Variants in COL6A5 observed in about 807,000 individuals in gnomAD.
COL6A5 encodes collagen type VI alpha 5 chain, also known as collagen alpha-5(VI) chain.
A neutral mutation model predicts 65.6 loss-of-function variants in COL6A5; 48 were observed. That is an observed-to-expected ratio of 0.73 (90% CI 0.58 to 0.93). COL6A5 has a LOEUF of 0.93. COL6A5 is among the 40% of genes least tolerant of loss of function. The pLI is 0.00. For synonymous variants in COL6A5, 291 were observed against 322.8 expected (o/e 0.90, Z 1.05); for missense variants, 914 against 928.3 (o/e 0.98, Z 0.20).
At chr3:130,388,695 A>C in exon 6 of COL6A5, 1 of 1,551,344 alleles carries the variant, frequency 6.4e-7, no homozygotes, top group Middle Eastern at 1.7e-4. Flanking sequence ...CTAAAATTCA[A>C]ATTGGTGCAG....
intron 9 of COL6A5, 39 bp downstream of exon 9, chr3:130,397,962 C>T (rs1936667914): frequency 6.5e-7 from 1 of 1,543,848 alleles, no homozygotes; most frequent in Non-Finnish European, 8.8e-7. Context: ...TCCACATTCT[C>T]CCATTTGTTC....
chr3:130,366,440 T>A (rs761713211), intron 1 of COL6A5, among the ~76,000 whole-genome samples: 11 of 152,192 alleles, frequency 7.2e-5, no homozygotes, highest in Non-Finnish European at 1.2e-4. Context: ...ATGCCTTTCG[T>A]TGAGCCCATG....
chr3:130,354,732 G>C (rs1228106882), intron 1 of COL6A5, among the ~76,000 whole-genome samples: 1 of 152,202 alleles, frequency 6.6e-6, no homozygotes, highest in African/African-American at 2.4e-5. Flanking sequence ...CTGAGACATT[G>C]ATCTCTTTAG....
At chr3:130,475,172 GT>G (rs1392344553) in intron 7 of COL6A5, among the ~76,000 whole-genome samples, 1 of 151,792 alleles carries the variant, frequency 6.6e-6, no homozygotes, top group Non-Finnish European at 1.5e-5. Context: ...TCTAACATTT[GT>G]TTCACTAGAA....
chr3:130,483,839 TC>T (rs1710312744), intron 7 of COL6A5, among the ~76,000 whole-genome samples, 195 bp from the exon 41 acceptor site: 1 of 152,168 alleles, frequency 6.6e-6, no homozygotes, highest in African/African-American at 2.4e-5. Context: ...AAGAATTATG[TC>T]TATGATTCTC....
intron 7 of COL6A5, among the ~76,000 whole-genome samples, chr3:130,394,397 G>A (rs1936513472): frequency 6.6e-6 from 1 of 152,122 alleles, no homozygotes; most frequent in Non-Finnish European, 1.5e-5. Context: ...TAGTCATAAG[G>A]TGGTTGTGAA....
rs59308983 is a variant in COL6A5, at chr3:130,447,127, G to T, written c.1332+3561G>T. 5.1e-3 allele frequency among the ~76,000 whole-genome samples: 775 copies of T among 152,232 alleles called. 10 individuals carry two copies. The highest frequency in any genetic ancestry group is 0.017 in the African/African-American group (706 of 41,548). ...AAAAGCCTTACTAACATATCCAGCG[G>T]TATAGTCTATCTTTATTTGATATGG... On this transcript the variant is annotated intron_variant, in intron 4 of 7. Coordinates refer to ENST00000512836, the Ensembl canonical transcript of COL6A5.
At chr3:130,437,106 A>G (rs1215008954) in intron 1 of COL6A5, among the ~76,000 whole-genome samples, 1 of 152,008 alleles carries the variant, frequency 6.6e-6, no homozygotes, top group Non-Finnish European at 1.5e-5. Context: ...ACTTGCAGTT[A>G]TCTATGATTC....
exon 3 of COL6A5, chr3:130,440,694 C>G (rs1292871436): frequency 1.9e-6 from 3 of 1,613,570 alleles, no homozygotes; most frequent in South Asian, 2.2e-5. Context: ...CTGGGCTCTA[C>G]ACGTAAGGAT....
intron 1 of COL6A5, among the ~76,000 whole-genome samples, chr3:130,349,971 A>G (rs1223605925): frequency 6.6e-6 from 1 of 152,200 alleles, no homozygotes; most frequent in Non-Finnish European, 1.5e-5. Flanking sequence ...GGAGCTCTAA[A>G]TGTTATATCT....
intron 22 of COL6A5, among the ~76,000 whole-genome samples, chr3:130,414,552 T>C (rs1300082577): frequency 1.3e-5 from 2 of 152,140 alleles, no homozygotes; most frequent in Non-Finnish European, 2.9e-5. Context: ...GGTATCAGTA[T>C]TTCTGAAATA....
rs145400816 is a variant in COL6A5 at position 130,456,551 on chromosome 3, G to A, written c.1544+885G>A. On this transcript the variant is annotated intron_variant, in intron 5 of 7. Coordinates refer to ENST00000512836, the Ensembl canonical transcript of COL6A5. ...CTCCATGATGTGATTATTATGCATTGCATGCCTGTATCAAAACATATTATG... is the reference window on the plus strand; with the variant it reads ...CTCCATGATGTGATTATTATGCATTACATGCCTGTATCAAAACATATTATG... 5.9e-3 allele frequency among the ~76,000 whole-genome samples: 903 copies of A among 152,052 alleles called. 11 individuals are homozygous for A. The highest frequency in any genetic ancestry group is 5.4e-3 in the Non-Finnish European group (366 of 67,956).
At position 130,426,145 on chromosome 3, in the gene COL6A5, G is replaced by A; in HGVS notation, c.5164-69G>A. 3 of 1,454,788 alleles carry A rather than the reference G, an allele frequency of 2.1e-6. No homozygotes were observed. In the South Asian group the frequency reaches 3.8e-5, roughly 18 times the overall value. 90.1% of individuals were successfully genotyped at this position (1,454,788 alleles called of 1,614,324 possible). On this transcript the variant is annotated intron_variant and NMD_transcript_variant, in intron 29 of 41. Transcript: ENST00000312481. Reference sequence around the variant, plus strand: ...GAAAGAAAGTTTTTTGTTTTGTCTTGTTTTATTACTAAAGACTAAAGACTT... The same window carrying A: ...GAAAGAAAGTTTTTTGTTTTGTCTTATTTTATTACTAAAGACTAAAGACTT...
chr3:130,425,361 C>G (rs1937583558), intron 29 of COL6A5, among the ~76,000 whole-genome samples: 1 of 152,082 alleles, frequency 6.6e-6, no homozygotes, highest in African/African-American at 2.4e-5. Flanking sequence ...TGCCGACATC[C>G]CTGGTTGAAC....
chr3:130,395,542 C>G, intron 8 of COL6A5, 77 bp downstream of exon 8: 1 of 1,051,370 alleles, frequency 9.5e-7, no homozygotes, highest in Non-Finnish European at 1.4e-6. Flanking sequence ...TATGGGCTAG[C>G]TCTAGCAGAG....
chr3:130,450,783 C>T (rs900139502), intron 4 of COL6A5, among the ~76,000 whole-genome samples: 18 of 152,088 alleles, frequency 1.2e-4, no homozygotes, highest in Admixed American at 3.9e-4. Flanking sequence ...TGGTCTGTAG[C>T]GCGTAATTTA....
At chr3:130,382,053 A>T (rs1936013454) in intron 4 of COL6A5, among the ~76,000 whole-genome samples, 1 of 152,034 alleles carries the variant, frequency 6.6e-6, no homozygotes, top group Non-Finnish European at 1.5e-5. Flanking sequence ...ATATTAGGAA[A>T]TGTAACCAGA....
chr3:130,410,175 A>G (rs531827170), intron 19 of COL6A5, 101 bp downstream of exon 19: 2 of 864,898 alleles, frequency 2.3e-6, no homozygotes, highest in Non-Finnish European at 3.6e-6. Flanking sequence ...AAATGCTCTT[A>G]AGACCACATT....
Position 130,455,318 on chromosome 3 carries a change from G to A in COL6A5, c.1333-137G>A, listed in dbSNP as rs1577527810. The stretch of plus-strand genomic sequence containing the variant: ...TATAATGAATCTCAATGAATTATTT[G>A]ATTGAAATGGATTTATATTTTCACC... On this transcript the variant is annotated intron_variant, in intron 4 of 7. Coordinates refer to ENST00000512836, the Ensembl canonical transcript of COL6A5. 5.0e-6 allele frequency: 3 copies of A among 602,204 alleles called. No individual in the cohort carries two copies. In the East Asian group the frequency reaches 8.3e-5, roughly 17 times the overall value. The allele number at this position is 602,204 out of a possible 1,614,324, so 37.3% of individuals were successfully genotyped here.
Sources: gnomAD v4.1 joint callset for allele counts (sites outside exome capture counted in the v4.1 genomes callset) on GRCh38, gnomAD v4.1.1 for gene constraint, MANE v1.5 for transcripts, NCBI Gene and HGNC (gene_info 2026-07-23, HGNC 2026-07-21) for gene names.